TBC1D5: variants seen among roughly 807,000 people sequenced by gnomAD.
TBC1D5 encodes the protein TBC1 domain family, member 5.
Under a neutral mutation model 100.3 loss-of-function variants are expected in TBC1D5, and 75 were observed. That is an observed-to-expected ratio of 0.75 (90% CI 0.62 to 0.91). The LOEUF (loss-of-function observed/expected upper bound fraction) is 0.91. TBC1D5 is among the 40% of genes least tolerant of loss of function. The pLI is 0.00. For synonymous variants in TBC1D5, 323 were observed against 325.6 expected, an observed-to-expected ratio of 0.99 and a Z score of 0.09; for missense variants, 910 against 942.4, an observed-to-expected ratio of 0.97 and a Z score of 0.45.
exon 22 of TBC1D5, chr3:17,161,055 C>G: frequency 1.9e-6 from 3 of 1,614,224 alleles, no homozygotes; most frequent in Non-Finnish European, 2.5e-6. Flanking sequence ...GAAGCTGAGG[C>G]TGGGCCCATC....
At chr3:17,619,499 T>C (rs914561552) in intron 2 of TBC1D5, among the ~76,000 whole-genome samples, 4 of 152,292 alleles carry the variant, frequency 2.6e-5, no homozygotes, top group South Asian at 2.1e-4. Context: ...AAAGGTGATA[T>C]AATAAATCAT....
intron 16 of TBC1D5, among the ~76,000 whole-genome samples, chr3:17,240,880 A>G (rs1442165493): frequency 2.0e-5 from 3 of 152,194 alleles, no homozygotes; most frequent in Non-Finnish European, 4.4e-5. Context: ...AGCATTATCA[A>G]GAGAATACGG....
At chr3:17,221,528 G>A (rs563868566) in intron 17 of TBC1D5, among the ~76,000 whole-genome samples, 2 of 152,220 alleles carry the variant, frequency 1.3e-5, no homozygotes, top group East Asian at 3.9e-4. Context: ...GAGCTAGAGA[G>A]AACGAACTCA....
intron 19 of TBC1D5, among the ~76,000 whole-genome samples, chr3:17,172,248 A>G (rs970485133): frequency 1.3e-5 from 2 of 152,250 alleles, no homozygotes; most frequent in African/African-American, 2.4e-5. Context: ...ACAAGAATAT[A>G]CATTTTACTA....
chr3:17,170,826 G>A (rs1216590528), intron 19 of TBC1D5, among the ~76,000 whole-genome samples: 1 of 152,146 alleles, frequency 6.6e-6, no homozygotes, highest in African/African-American at 2.4e-5. Context: ...GCAGGGAGAA[G>A]AGACAGAGTA....
intron 15 of TBC1D5, among the ~76,000 whole-genome samples, chr3:17,269,563 G>A (rs2079173673): frequency 6.6e-6 from 1 of 152,094 alleles, no homozygotes; most frequent in Admixed American, 6.5e-5. Flanking sequence ...TGATACAAAG[G>A]TTTGGGCTTC....
At chr3:17,575,222 G>A (rs999655386) in intron 2 of TBC1D5, 4 of 151,708 alleles carry the variant, frequency 2.6e-5, no homozygotes, top group African/African-American at 9.7e-5. Context: ...GGGCTGAGGT[G>A]GGAGGATGGT....
intron 2 of TBC1D5, among the ~76,000 whole-genome samples, chr3:17,597,371 A>G (rs992368505): frequency 2.6e-5 from 4 of 152,202 alleles, no homozygotes; most frequent in African/African-American, 9.6e-5. Context: ...AGAAAAACAG[A>G]TAAGAGAAAC....
rs1033855205 is a variant in TBC1D5, at chr3:17,378,194, A to G, written c.613-1581T>C. Among the ~76,000 whole-genome samples, 5 of 152,036 alleles carry G rather than the reference A, an allele frequency of 3.3e-5. No homozygotes were observed. In the East Asian group the frequency reaches 9.7e-4, roughly 29 times the overall value. On this transcript the variant is annotated intron_variant, in intron 9 of 21. Coordinates refer to ENST00000253692, the Ensembl canonical transcript of TBC1D5. Reference sequence around the variant, plus strand: ...GTTAAGAAATAAATTTAAAACTCCAATAGATATCCTTGTGATCTTTTTTTG... The same window carrying G: ...GTTAAGAAATAAATTTAAAACTCCAGTAGATATCCTTGTGATCTTTTTTTG...
intron 1 of TBC1D5, among the ~76,000 whole-genome samples, chr3:17,722,031 G>C (rs1392049366): frequency 6.6e-6 from 1 of 152,112 alleles, no homozygotes; most frequent in African/African-American, 2.4e-5. Context: ...ATGTGAAGTT[G>C]CCTGACCTGT....
At chr3:17,616,388 T>C (rs1253240281) in intron 2 of TBC1D5, among the ~76,000 whole-genome samples, 1 of 152,132 alleles carries the variant, frequency 6.6e-6, no homozygotes, top group Non-Finnish European at 1.5e-5. Context: ...GAGACTTCTA[T>C]TGATGTCTAT....
chr3:17,397,822 T>C (rs377625709), intron 8 of TBC1D5, among the ~76,000 whole-genome samples: 1 of 152,310 alleles, frequency 6.6e-6, no homozygotes, highest in South Asian at 2.1e-4. Flanking sequence ...AGCATATCAA[T>C]AGGCAATCAG....
intron 3 of TBC1D5, among the ~76,000 whole-genome samples, chr3:17,431,447 A>G (rs2149402523): frequency 6.6e-6 from 1 of 152,142 alleles, no homozygotes; most frequent in African/African-American, 2.4e-5. Context: ...AGTAACCAGT[A>G]AAAGAATCTA....
At chr3:17,726,035 C>T (rs184789146) in intron 1 of TBC1D5, among the ~76,000 whole-genome samples, 174 of 152,224 alleles carry the variant, frequency 1.1e-3, no homozygotes, top group Middle Eastern at 3.4e-3. Flanking sequence ...GTTGTTACAA[C>T]GGACATGATG....
At chr3:17,738,818 T>C (rs1476976361) in intron 1 of TBC1D5, among the ~76,000 whole-genome samples, 1 of 152,252 alleles carries the variant, frequency 6.6e-6, no homozygotes, top group Admixed American at 6.5e-5. Flanking sequence ...TAACCTCTGA[T>C]GATAATCTCT....
intron 16 of TBC1D5, among the ~76,000 whole-genome samples, chr3:17,240,272 A>C (rs75366789): frequency 0.019 from 2,877 of 152,264 alleles, 39 homozygotes; most frequent in Non-Finnish European, 0.029. Context: ...TAAAATATGA[A>C]ATTCAGCTTT....
chr3:17,701,322 G>C (rs2073162312), intron 1 of TBC1D5, among the ~76,000 whole-genome samples: 1 of 152,094 alleles, frequency 6.6e-6, no homozygotes, highest in African/African-American at 2.4e-5. Flanking sequence ...ACTGGGGCCT[G>C]TTAGGGGGTA....
chr3:17,207,410 C>T (rs2072353650), intron 18 of TBC1D5, among the ~76,000 whole-genome samples: 1 of 152,060 alleles, frequency 6.6e-6, no homozygotes, highest in African/African-American at 2.4e-5. Flanking sequence ...AAACCAATAC[C>T]AATCCTCAAA....
At position 17,623,847 on chromosome 3, in the gene TBC1D5, A is replaced by G. The variant is rs1227915494; in HGVS notation, c.-36+2T>C. ...AAAATCATTCAAGAATTTTATTCTTACAGATTTTCTTTCAGGCTTTGAGAA... is the reference window on the plus strand; with the variant it reads ...AAAATCATTCAAGAATTTTATTCTTGCAGATTTTCTTTCAGGCTTTGAGAA... On this transcript the variant is annotated splice_donor_variant, in intron 2 of 21. Transcript: ENST00000253692. LOFTEE classifies it low-confidence loss of function (5UTR_SPLICE). 2.0e-5 allele frequency: 3 copies of G among 152,228 alleles called. No homozygotes were observed. The highest frequency in any genetic ancestry group is 4.8e-5 in the African/African-American group (2 of 41,468). The allele number at this position is 152,228 out of a possible 1,614,324, so 9.4% of individuals were successfully genotyped here.
Sources: allele counts gnomAD v4.1 joint callset (sites outside exome capture counted in the v4.1 genomes callset), GRCh38; gene constraint gnomAD v4.1.1; transcripts MANE v1.5; gene names NCBI Gene and HGNC (gene_info 2026-07-23, HGNC 2026-07-21).